The following LRBA variants were observed in gnomAD, a reference collection of about 807,000 sequenced individuals.
The protein encoded by LRBA is LPS responsive beige-like anchor protein, also known as lipopolysaccharide-responsive and beige-like anchor protein.
Under a neutral mutation model 330.0 loss-of-function variants are expected in LRBA, and 176 were observed. The observed-to-expected ratio is 0.53, with a 90% CI of 0.47 to 0.60. LRBA has a LOEUF of 0.60. Ranked by LOEUF, LRBA falls within the 20% of genes least tolerant of loss-of-function variation. LRBA has a pLI of 0.00. For missense variants in LRBA, 3,259 were observed against 3,444.8 expected (o/e 0.95, Z 1.35); for synonymous variants, 1,230 against 1,193.0 (o/e 1.03, Z -0.64).
intron 4 of LRBA, among the ~76,000 whole-genome samples, chr4:150,922,063 G>T (rs568924470): frequency 6.6e-6 from 1 of 151,626 alleles, no homozygotes; most frequent in Non-Finnish European, 1.5e-5. Flanking sequence ...GTTTCACCAC[G>T]TTGGCCAGAC....
chr4:150,754,063 A>G (rs566234539), intron 35 of LRBA, among the ~76,000 whole-genome samples: 51 of 151,400 alleles, frequency 3.4e-4, no homozygotes, highest in African/African-American at 1.2e-3. Context: ...TTGAGACTCC[A>G]TCCAAAAAAA....
At chr4:150,561,740 T>A (rs1054808825) in intron 40 of LRBA, among the ~76,000 whole-genome samples, 1 of 152,168 alleles carries the variant, frequency 6.6e-6, no homozygotes, top group Non-Finnish European at 1.5e-5. Context: ...ATTACTTTTG[T>A]GGAAATTTGT....
At chr4:150,679,795 C>T (rs1782891175) in intron 37 of LRBA, 1 of 152,154 alleles carries the variant, frequency 6.6e-6, no homozygotes, top group Non-Finnish European at 1.5e-5. Context: ...AACCTTATTA[C>T]TTCTAAAATA....
intron 36 of LRBA, among the ~76,000 whole-genome samples, chr4:150,695,688 C>T (rs921471831): frequency 6.6e-6 from 1 of 152,092 alleles, no homozygotes; most frequent in Admixed American, 6.5e-5. Context: ...GACTGTGTAT[C>T]TTCACAAAAT....
Position 150,798,153 on chromosome 4 carries a change from G to C in LRBA, c.5519-11C>G. 1 of 1,565,306 alleles carries C rather than the reference G, an allele frequency of 6.4e-7. No homozygotes were observed. Among genetic ancestry groups the C allele is most frequent in the Middle Eastern group, 1.7e-4 (1 of 5,966 alleles). The stretch of plus-strand genomic sequence containing the variant: ...TCATGCAAACCAGACCTATTTTAAA[G>C]AGAATTTTAAAAAAGAAGTTATAAA... On this transcript the variant is annotated splice_polypyrimidine_tract_variant and intron_variant, in intron 33 of 56. Coordinates refer to ENST00000651943, the MANE Select transcript of LRBA (RefSeq NM_001364905.1).
chr4:150,372,576 A>G (rs1222290221), intron 47 of LRBA, among the ~76,000 whole-genome samples: 1 of 139,316 alleles, frequency 7.2e-6, no homozygotes, highest in Non-Finnish European at 1.6e-5. Context: ...AAAAAAAAAA[A>G]AGGAAAGGAA....
intron 38 of LRBA, among the ~76,000 whole-genome samples, chr4:150,591,509 T>C (rs1772828347): frequency 6.6e-6 from 1 of 152,196 alleles, no homozygotes; most frequent in Non-Finnish European, 1.5e-5. Context: ...TCCGCCCTTT[T>C]GTCCTTTATA....
intron 2 of LRBA, among the ~76,000 whole-genome samples, chr4:150,953,632 G>C (rs966684754): frequency 6.6e-6 from 1 of 152,060 alleles, no homozygotes; most frequent in Non-Finnish European, 1.5e-5. Context: ...CCGAGGTGCC[G>C]GGATTGCAGA....
At chr4:150,820,731 ATAT>A (rs1040514860) in intron 30 of LRBA, among the ~76,000 whole-genome samples, 1 of 152,060 alleles carries the variant, frequency 6.6e-6, no homozygotes, top group African/African-American at 2.4e-5. Context: ...AGATTTTGAA[ATAT>A]TTTCATTGTC....
chr4:150,462,738 T>C (rs1754937996), intron 44 of LRBA, among the ~76,000 whole-genome samples: 3 of 152,006 alleles, frequency 2.0e-5, no homozygotes, highest in Admixed American at 1.3e-4. Flanking sequence ...TCAGGCAATA[T>C]TATCCACTTA....
chr4:150,470,969 T>A (rs769134965), intron 43 of LRBA, among the ~76,000 whole-genome samples: 4 of 152,092 alleles, frequency 2.6e-5, no homozygotes, highest in Non-Finnish European at 4.4e-5. Flanking sequence ...TAATTTTTGA[T>A]GCAGCTCTAA....
intron 47 of LRBA, among the ~76,000 whole-genome samples, chr4:150,404,992 A>C (rs1745989557): frequency 6.6e-6 from 1 of 152,218 alleles, no homozygotes; most frequent in Non-Finnish European, 1.5e-5. Context: ...AAGCAACTGA[A>C]GGCCAAGAGG....
At chr4:150,648,475 C>T (rs1779410973) in intron 37 of LRBA, among the ~76,000 whole-genome samples, 1 of 152,000 alleles carries the variant, frequency 6.6e-6, no homozygotes, top group Non-Finnish European at 1.5e-5. Context: ...ACTTAAATAT[C>T]ACAGGATATT....
intron 2 of LRBA, among the ~76,000 whole-genome samples, chr4:151,011,475 G>T (rs1744832642): frequency 6.6e-6 from 1 of 151,896 alleles, no homozygotes; most frequent in South Asian, 2.1e-4. Context: ...GCGCACGCCT[G>T]TGGTCCCAGC....
At chr4:150,589,482 T>A (rs1029814588) in intron 39 of LRBA, among the ~76,000 whole-genome samples, 1 of 152,176 alleles carries the variant, frequency 6.6e-6, no homozygotes, top group South Asian at 2.1e-4. Flanking sequence ...ATGGATGAAA[T>A]AAGAAGCTAT....
At chr4:150,732,230 CAATA>C (rs1730546722) in intron 36 of LRBA, among the ~76,000 whole-genome samples, 1 of 151,934 alleles carries the variant, frequency 6.6e-6, no homozygotes, top group African/African-American at 2.4e-5. Flanking sequence ...TACAATACTG[CAATA>C]AATAGCCATG....
At chr4:150,708,209 C>G (rs1349955633) in intron 36 of LRBA, among the ~76,000 whole-genome samples, 1 of 151,764 alleles carries the variant, frequency 6.6e-6, no homozygotes, top group Non-Finnish European at 1.5e-5. Context: ...ATCTTCATCT[C>G]TGTCAGCTCC....
At chr4:150,912,863 T>C (rs913081861) in intron 9 of LRBA, among the ~76,000 whole-genome samples, 20 of 152,220 alleles carry the variant, frequency 1.3e-4, no homozygotes, top group African/African-American at 4.6e-4. Flanking sequence ...TCTCTTAGAC[T>C]GAGGTCACTG....
At chr4:150,733,841 CCT>C (rs1199590220) in intron 36 of LRBA, among the ~76,000 whole-genome samples, 2 of 152,032 alleles carry the variant, frequency 1.3e-5, no homozygotes, top group African/African-American at 2.4e-5. Flanking sequence ...TACCTAATAA[CCT>C]CACCAAATTC....
Sources: gnomAD v4.1 joint callset for allele counts (sites outside exome capture counted in the v4.1 genomes callset) on GRCh38, gnomAD v4.1.1 for gene constraint, MANE v1.5 for transcripts, NCBI Gene and HGNC (gene_info 2026-07-23, HGNC 2026-07-21) for gene names.